FMO3: variants seen among roughly 807,000 people sequenced by gnomAD.
FMO3 encodes the protein flavin-containing monooxygenase 3.
Under a neutral mutation model 39.4 loss-of-function variants are expected in FMO3, and 40 were observed. The ratio of observed to expected loss-of-function variants is 1.02; its 90% CI spans 0.79 to 1.32. The LOEUF (loss-of-function observed/expected upper bound fraction) is 1.32, where lower values mean the gene tolerates loss of function less well. Among genes scored for constraint, FMO3 ranks in the 40% most tolerant of loss-of-function variants. FMO3 has a pLI of 0.00. For synonymous variants in FMO3, 219 were observed against 228.8 expected (o/e 0.96, Z 0.39); for missense variants, 680 against 651.8 (o/e 1.04, Z -0.47).
chr1:171,112,329 G>A (rs947162684), intron 6 of FMO3, among the ~76,000 whole-genome samples: 6 of 152,130 alleles, frequency 3.9e-5, no homozygotes, highest in South Asian at 2.1e-4. Context: ...GAGATTGATC[G>A]GCTGCTGTGG....
chr1:171,102,194 G>A (rs560819560), intron 2 of FMO3, among the ~76,000 whole-genome samples: 6 of 152,100 alleles, frequency 3.9e-5, no homozygotes, highest in East Asian at 1.9e-4. Context: ...GGCTTTTGAC[G>A]TGATTGTAAT....
chr1:171,108,805 C>A (rs113827004), intron 5 of FMO3, among the ~76,000 whole-genome samples: 19 of 152,052 alleles, frequency 1.2e-4, no homozygotes, highest in African/African-American at 4.6e-4. Context: ...AGAGCTGCCA[C>A]TGGAAAAAAA....
chr1:171,096,917 T>A (rs1655121216), intron 2 of FMO3, among the ~76,000 whole-genome samples: 1 of 151,436 alleles, frequency 6.6e-6, no homozygotes, highest in Non-Finnish European at 1.5e-5. Flanking sequence ...ATTAGGTATA[T>A]CTCCTAATGC....
intron 2 of FMO3, among the ~76,000 whole-genome samples, chr1:171,096,027 T>C (rs1337238678): frequency 2.0e-5 from 1 of 49,940 alleles, no homozygotes; most frequent in Non-Finnish European, 3.4e-5. Context: ...TATATATTAA[T>C]ATATAATATA....
intron 2 of FMO3, among the ~76,000 whole-genome samples, chr1:171,098,528 A>G (rs1655211704): frequency 6.6e-6 from 1 of 152,086 alleles, no homozygotes; most frequent in African/African-American, 2.4e-5. Flanking sequence ...TTGGATTCCT[A>G]GGTATTTTAT....
At chr1:171,099,784 TTTC>T (rs1419068781) in intron 2 of FMO3, 11 of 150,106 alleles carry the variant, frequency 7.3e-5, no homozygotes, top group African/African-American at 2.0e-4. Flanking sequence ...TTTTTTCTTT[TTTC>T]TTCTTCTTTT....
chr1:171,110,739 C>A, intron 5 of FMO3, 59 bp from the exon 6 acceptor site: 1 of 1,504,324 alleles, frequency 6.6e-7, no homozygotes, highest in Non-Finnish European at 9.3e-7. Context: ...CTGGGGTGCT[C>A]ACCAGAATAT....
chr1:171,116,234 G>A lies in FMO3; in HGVS notation c.1210G>A (p.Asp404Asn). Residue 404 changes from aspartate to asparagine, a missense_variant, in exon 8 of 9, where the codon GAC (aspartate) becomes AAC (asparagine). By Grantham distance (23) the Asp-to-Asn change is conservative. Coordinates refer to ENST00000367755, the MANE Select transcript of FMO3 (RefSeq NM_001002294.3). ...AACTTGTACTTTGCCTTCTATGGAA[G>A]ACATGATGAATGATATTAATGAGAA... The part of the protein sequence containing the change: ...KGTCTLPSME[D>N]MMNDINEKME... The A allele has an allele frequency of 1.2e-6, 2 of 1,606,208 alleles. No homozygotes were observed. The highest frequency in any genetic ancestry group is 1.7e-6 in the Non-Finnish European group (2 of 1,173,130).
At chr1:171,093,728 G>T (rs1043382690) in intron 2 of FMO3, among the ~76,000 whole-genome samples, 2 of 150,792 alleles carry the variant, frequency 1.3e-5, no homozygotes, top group South Asian at 4.2e-4. Flanking sequence ...GGGTCAAATG[G>T]TAGTTCTATT....
At chr1:171,104,357 T>C (rs1156230343) in intron 3 of FMO3, among the ~76,000 whole-genome samples, 2 of 152,054 alleles carry the variant, frequency 1.3e-5, no homozygotes, top group Non-Finnish European at 2.9e-5. Flanking sequence ...TCAATACTTG[T>C]GGGAAACATA....
intron 3 of FMO3, 52 bp from the exon 4 acceptor site, chr1:171,107,623 A>G: frequency 6.5e-7 from 1 of 1,533,186 alleles, no homozygotes; most frequent in South Asian, 1.1e-5. Flanking sequence ...TGTATCTGCC[A>G]AAACCATTTG....
rs1157033359 is a variant in FMO3, at chr1:171,095,993, AT to A, written c.132+3208del. 2.7e-4 allele frequency among the ~76,000 whole-genome samples: 15 copies of A among 55,828 alleles called. No individual in the cohort carries two copies. The East Asian group carries it at 3.3e-3, about 12-fold the overall frequency. The allele number at this position is 55,828 out of a possible 152,430, so 36.6% of individuals were successfully genotyped here. A position where few individuals can be genotyped will look rare whatever the true frequency, so the allele number is the denominator to read the frequency against. On this transcript the variant is annotated intron_variant, in intron 2 of 8. Transcript: ENST00000367755. The stretch of plus-strand genomic sequence containing the variant: ...ATAATTATATAGATATATTTTATAT[AT>A]TTTTATATATTAATATACATATTAT...
At chr1:171,097,401 C>G (rs1655157592) in intron 2 of FMO3, among the ~76,000 whole-genome samples, 1 of 110,460 alleles carries the variant, frequency 9.1e-6, no homozygotes, top group Non-Finnish European at 1.8e-5. Flanking sequence ...GTTTACAGTC[C>G]CACCAACAGT....
Position 171,117,322 on chromosome 1 carries a change from G to A in FMO3, c.1479G>A (p.Ser493=), listed in dbSNP as rs766383334. ...RNAILTQWDR[S]LKPMQTRVVG... ...CCATACTGACCCAGTGGGACCGGTC[G>A]TTGAAACCCATGCAGACACGAGTGG... Residue 493 remains serine (S), a synonymous_variant, in exon 9 of 9, where the codon TCG becomes TCA. Coordinates refer to ENST00000367755, the MANE Select transcript of FMO3 (RefSeq NM_001002294.3). The A allele has an allele frequency of 6.0e-5, 97 of 1,613,954 alleles. 2 individuals are homozygous for A. The Middle Eastern group carries it at 2.8e-3, about 47-fold the overall frequency.
At chr1:171,091,450 A>T (rs932931604) in intron 1 of FMO3, among the ~76,000 whole-genome samples, 20 of 152,142 alleles carry the variant, frequency 1.3e-4, no homozygotes, top group Admixed American at 4.6e-4. Context: ...AAAGAAAAAA[A>T]AAAGTAGTGA....
intron 2 of FMO3, among the ~76,000 whole-genome samples, chr1:171,096,150 T>C (rs1185934204): frequency 2.5e-5 from 2 of 79,418 alleles, no homozygotes; most frequent in East Asian, 7.2e-4. Flanking sequence ...TATATTGATA[T>C]GAATATATAA....
intron 2 of FMO3, among the ~76,000 whole-genome samples, chr1:171,096,499 T>C (rs1255059041): frequency 9.7e-6 from 1 of 103,426 alleles, no homozygotes; most frequent in Non-Finnish European, 1.7e-5. Context: ...ATACATAATA[T>C]ACTTTATATA....
At position 171,113,872 on chromosome 1, in the gene FMO3, C is replaced by G. The variant is rs184023280; in HGVS notation, c.828-135C>G. 5.8e-4 allele frequency: 332 copies of G among 576,282 alleles called. No individual in the cohort carries two copies. In the African/African-American group the frequency reaches 5.8e-3, roughly 10 times the overall value. The allele number at this position is 576,282 out of a possible 1,614,324, so 35.7% of individuals were successfully genotyped here. On this transcript the variant is annotated intron_variant, in intron 6 of 8. Transcript: ENST00000367755. ...CCTCCCATCAATTTTGTTCTTCAGC[C>G]ATATTGGAGATACTCTATGCCTCAG...
chr1:171,091,594 C>CT (rs1163677907), intron 1 of FMO3, among the ~76,000 whole-genome samples: 1 of 151,148 alleles, frequency 6.6e-6, no homozygotes, highest in Non-Finnish European at 1.5e-5. Flanking sequence ...ACTTCTTTCC[C>CT]CAACACCCCC....
Sources: gnomAD v4.1 joint callset for allele counts (sites outside exome capture counted in the v4.1 genomes callset) on GRCh38, gnomAD v4.1.1 for gene constraint, MANE v1.5 for transcripts, NCBI Gene and HGNC (gene_info 2026-07-23, HGNC 2026-07-21) for gene names.